Variants in ATP13A5 observed in about 807,000 individuals in gnomAD.
ATP13A5 encodes probable cation-transporting ATPase 13A5.
Under a neutral mutation model 150.2 loss-of-function variants are expected in ATP13A5, and 149 were observed. The ratio of observed to expected loss-of-function variants is 0.99; its 90% CI spans 0.87 to 1.14. The LOEUF is 1.14. Among genes scored for constraint, ATP13A5 ranks in the 50% most tolerant of loss-of-function variants. The pLI, the probability that ATP13A5 is intolerant of heterozygous loss-of-function variation, is 0.00. For missense variants in ATP13A5, 1,383 were observed against 1,449.3 expected (o/e 0.95, Z 0.74); for synonymous variants, 497 against 522.2 (o/e 0.95, Z 0.66).
chr3:193,351,241 C>T (rs377436684), intron 6 of ATP13A5, 40 bp from the exon 7 acceptor site: 101 of 1,603,922 alleles, frequency 6.3e-5, no homozygotes, highest in Non-Finnish European at 8.2e-5. Flanking sequence ...CTTGCATGAA[C>T]CTTAGTAGCA....
chr3:193,364,004 A>G, intron 2 of ATP13A5, 103 bp downstream of exon 2: 1 of 1,273,094 alleles, frequency 7.9e-7, no homozygotes, highest in East Asian at 2.4e-5. Flanking sequence ...AAATAGAGGA[A>G]ATCTACCTTC....
chr3:193,359,141 G>A (rs987444970), intron 5 of ATP13A5, among the ~76,000 whole-genome samples: 1 of 151,916 alleles, frequency 6.6e-6, no homozygotes, highest in Non-Finnish European at 1.5e-5. Flanking sequence ...AATTCTAATA[G>A]TTGAGACTAC....
chr3:193,279,999 A>AAAG (rs1176459811), intron 27 of ATP13A5, among the ~76,000 whole-genome samples: 1 of 149,602 alleles, frequency 6.7e-6, no homozygotes, highest in African/African-American at 2.4e-5. Context: ...AAAAAAAAAA[A>AAAG]AAAAGCCCTG....
chr3:193,377,554 G>A (rs1373570415), intron 1 of ATP13A5, among the ~76,000 whole-genome samples: 1 of 152,132 alleles, frequency 6.6e-6, no homozygotes, highest in African/African-American at 2.4e-5. Context: ...CTTTTCTAGT[G>A]CTCAGAAACT....
At chr3:193,344,871 T>C in intron 8 of ATP13A5, 132 bp downstream of exon 8, 1 of 866,946 alleles carries the variant, frequency 1.2e-6, no homozygotes, top group Non-Finnish European at 1.8e-6. Context: ...AGGGCTTCTT[T>C]GCCTCACCCT....
In ATP13A5 at chr3:193,321,733, G is replaced by A. The variant is rs1287777540; in HGVS notation, c.1863C>T (p.Val621=). 1.2e-6 allele frequency: 2 copies of A among 1,614,166 alleles called. No individual in the cohort carries two copies. Among genetic ancestry groups the A allele is most frequent in the African/African-American group, 1.3e-5 (1 of 75,062 alleles). ...AQLAGENHFH[V]YMKGAPEMVA... is the part of the protein sequence containing the mutation. ...CCATTTCTGGGGCACCTTTCATGTA[G>A]ACATGGAAATGATTCTCCCCAGCTA... is the stretch of plus-strand genomic sequence containing the variant. Residue 621 remains valine (V), a synonymous_variant, in exon 16 of 30, where the codon GTC becomes GTT. Coordinates refer to ENST00000342358, the MANE Select transcript of ATP13A5 (RefSeq NM_198505.4).
intron 28 of ATP13A5, among the ~76,000 whole-genome samples, chr3:193,279,010 A>T (rs180693430): frequency 2.0e-5 from 3 of 152,252 alleles, no homozygotes; most frequent in Admixed American, 2.0e-4. Context: ...TCCCTTTATA[A>T]CTACTTTATA....
At chr3:193,293,305 G>T (rs1718039681) in intron 25 of ATP13A5, among the ~76,000 whole-genome samples, 1 of 152,096 alleles carries the variant, frequency 6.6e-6, no homozygotes, top group South Asian at 2.1e-4. Context: ...TCCTTAAAAT[G>T]ATGATGATAT....
In ATP13A5 at chr3:193,319,068, C is replaced by T; in HGVS notation, c.1956G>A (p.Val652=). The change falls in exon 17 of 30, where the codon GTG becomes GTA. Residue 652 remains valine (V), a synonymous_variant. Transcript: ENST00000342358. ...CAAGAGCAATGACACGGAAGCCTTGCACCGTGTAACTCCTCAGTTCCTGTG... is the reference window on the plus strand; with the variant it reads ...CAAGAGCAATGACACGGAAGCCTTGTACCGTGTAACTCCTCAGTTCCTGTG... The part of the protein sequence containing the change: ...NFPQELRSYT[V]QGFRVIALAH... 1.2e-6 allele frequency: 2 copies of T among 1,613,932 alleles called. No homozygotes were observed. Among genetic ancestry groups the T allele is most frequent in the Non-Finnish European group, 1.7e-6 (2 of 1,179,834 alleles).
At chr3:193,303,601 G>A (rs1450584195) in intron 23 of ATP13A5, among the ~76,000 whole-genome samples, 1 of 151,848 alleles carries the variant, frequency 6.6e-6, no homozygotes, top group Non-Finnish European at 1.5e-5. Context: ...AAAAAATTCA[G>A]TCTTAGCTGT....
rs1222709916 is a variant in ATP13A5, at chr3:193,322,649, ATACTT to A, written c.1675-80_1675-76del. The stretch of plus-strand genomic sequence containing the variant: ...GAAAGAAATATCTCTTATTTGCACA[ATACTT>A]TAATCTTTTCAAAGCCATTTTTACA... On this transcript the variant is annotated intron_variant, in intron 14 of 29. Coordinates refer to ENST00000342358, the MANE Select transcript of ATP13A5 (RefSeq NM_198505.4). The A allele has an allele frequency of 4.7e-6, 5 of 1,073,622 alleles. No homozygotes were observed. In the African/African-American group the frequency reaches 4.8e-5, roughly 10 times the overall value. 66.5% of individuals were successfully genotyped at this position (1,073,622 alleles called of 1,614,324 possible). A position where few individuals can be genotyped will look rare whatever the true frequency, so the allele number is the denominator to read the frequency against.
At chr3:193,315,748 G>T (rs1408773770) in intron 17 of ATP13A5, among the ~76,000 whole-genome samples, 1 of 152,122 alleles carries the variant, frequency 6.6e-6, no homozygotes, top group Admixed American at 6.6e-5. Flanking sequence ...GCTGTGCACC[G>T]TGGTGTTAAG....
intron 14 of ATP13A5, chr3:193,324,107 G>A (rs920469600): frequency 6.6e-6 from 1 of 152,218 alleles, no homozygotes; most frequent in Non-Finnish European, 1.5e-5. Context: ...TGAGGTCACA[G>A]ACTCAGTCCT....
intron 1 of ATP13A5, among the ~76,000 whole-genome samples, chr3:193,375,914 G>A (rs1181904631): frequency 2.0e-5 from 3 of 152,148 alleles, no homozygotes; most frequent in Admixed American, 6.5e-5. Flanking sequence ...TATTTGCCTC[G>A]ACTGTCTCTA....
chr3:193,371,353 A>G (rs1185512539), intron 1 of ATP13A5, among the ~76,000 whole-genome samples: 1 of 152,204 alleles, frequency 6.6e-6, no homozygotes, highest in Non-Finnish European at 1.5e-5. Context: ...ACAGGGCTGC[A>G]TACTCTCTTG....
Position 193,340,502 on chromosome 3 carries a change from C to T in ATP13A5, c.943+3425G>A, listed in dbSNP as rs576542653. 1.4e-4 allele frequency among the ~76,000 whole-genome samples: 21 copies of T among 152,252 alleles called. 1 individual carries two copies. The highest frequency in any genetic ancestry group is 9.6e-4 in the East Asian group (5 of 5,182). Reference sequence around the variant, plus strand: ...ATGATAAGCTCGTCTGACAGGATATCGATGTGAGATCATCACTTAGGAAAA... The same window carrying T: ...ATGATAAGCTCGTCTGACAGGATATTGATGTGAGATCATCACTTAGGAAAA... On this transcript the variant is annotated intron_variant, in intron 9 of 29. Transcript: ENST00000342358.
At chr3:193,292,695 C>T (rs563934144) in intron 25 of ATP13A5, among the ~76,000 whole-genome samples, 17 of 152,210 alleles carry the variant, frequency 1.1e-4, no homozygotes, top group Admixed American at 3.3e-4. Context: ...CATACTAGAG[C>T]GGACTGGCTC....
chr3:193,369,483 CTAAT>C lies in ATP13A5; in HGVS notation c.64-5207_64-5204del, dbSNP rs1713366731. ...CAGTATATGTATTTATTTTGACCAA[CTAAT>C]TGAGAGGAAAATTAGATTGTATAAA... is the stretch of plus-strand genomic sequence containing the variant. On this transcript the variant is annotated intron_variant, in intron 1 of 29. Transcript: ENST00000342358. Among the ~76,000 whole-genome samples the C allele has an allele frequency of 5.3e-5, 8 of 152,086 alleles. No homozygotes were observed. The South Asian group carries it at 1.7e-3, about 32-fold the overall frequency.
intron 1 of ATP13A5, among the ~76,000 whole-genome samples, chr3:193,374,674 C>T (rs1044108648): frequency 1.3e-4 from 20 of 151,756 alleles, no homozygotes; most frequent in Admixed American, 4.6e-4. Flanking sequence ...CACACACACA[C>T]GCATACATAG....
Sources: gnomAD v4.1 joint callset for allele counts (sites outside exome capture counted in the v4.1 genomes callset) on GRCh38, gnomAD v4.1.1 for gene constraint, MANE v1.5 for transcripts, NCBI Gene and HGNC (gene_info 2026-07-23, HGNC 2026-07-21) for gene names.